VWA3A: variants seen among roughly 807,000 people sequenced by gnomAD.
The protein encoded by VWA3A is von Willebrand factor A domain-containing protein 3A.
VWA3A carries 134 observed loss-of-function variants against 160.4 expected under a neutral mutation model. The ratio of observed to expected loss-of-function variants is 0.84; its 90% CI spans 0.73 to 0.96. The LOEUF (loss-of-function observed/expected upper bound fraction) is 0.96, where lower values mean the gene tolerates loss of function less well. Among genes scored for constraint, VWA3A ranks in the 40% least tolerant of loss-of-function variants. The probability of loss-of-function intolerance (pLI) is 0.00; values close to 1 mark genes in which losing one functional copy is unlikely to be tolerated. For synonymous variants in VWA3A, 476 were observed against 543.4 expected (o/e 0.88, Z 1.72); for missense variants, 1,310 against 1,447.9 (o/e 0.90, Z 1.55).
chr16:22,150,608 G>T, intron 29 of VWA3A, 87 bp from the exon 30 acceptor site: 1 of 1,454,498 alleles, frequency 6.9e-7, no homozygotes, highest in Non-Finnish European at 9.2e-7. Flanking sequence ...GGCAGAGGCG[G>T]CAGCAGGCAC....
At chr16:22,102,419 T>G (rs1365205063) in intron 5 of VWA3A, among the ~76,000 whole-genome samples, 1 of 152,136 alleles carries the variant, frequency 6.6e-6, no homozygotes, top group East Asian at 1.9e-4. Flanking sequence ...CATGTATCCC[T>G]TATGACTCTA....
chr16:22,128,476 T>G (rs1345611852), intron 17 of VWA3A, among the ~76,000 whole-genome samples: 2 of 152,120 alleles, frequency 1.3e-5, no homozygotes, highest in African/African-American at 4.8e-5. Flanking sequence ...ACTTACACAC[T>G]TGGTGGGAGT....
chr16:22,140,733 C>G (rs1163949841), intron 23 of VWA3A, among the ~76,000 whole-genome samples: 1 of 151,842 alleles, frequency 6.6e-6, no homozygotes, highest in Non-Finnish European at 1.5e-5. Flanking sequence ...GCCTCAGCCT[C>G]CTGAATAGCT....
At position 22,097,456 on chromosome 16, in the gene VWA3A, C is replaced by A. The variant is rs909279424; in HGVS notation, c.102-116C>A. 60 of 1,351,038 alleles carry A rather than the reference C, an allele frequency of 4.4e-5. 1 individual carries two copies. The South Asian group carries it at 6.3e-4, about 14-fold the overall frequency. 83.7% of individuals were successfully genotyped at this position (1,351,038 alleles called of 1,614,324 possible). ...CTGCAGGAATCCTTCTCAGTTACTGCACAGAAAAATGTTTCTAGAATCCTT... is the reference window on the plus strand; with the variant it reads ...CTGCAGGAATCCTTCTCAGTTACTGAACAGAAAAATGTTTCTAGAATCCTT... On this transcript the variant is annotated intron_variant, in intron 2 of 33. Transcript: ENST00000389398.
chr16:22,155,660 T>C lies in VWA3A; in HGVS notation c.3499T>C (p.Phe1167Leu). ...ARSFLWQAQSFRSQLQKKNDA... is the reference protein window; with the variant it reads ...ARSFLWQAQSLRSQLQKKNDA... ...AAGCTTCCTCTGGCAGGCCCAATCC[T>C]TCAGGTATGCCCTTCACGCAGCCTC... The change falls in exon 32 of 34, where the codon TTC becomes CTC. Residue 1167 changes from phenylalanine to leucine, a missense_variant. Transcript: ENST00000389398. The C allele has an allele frequency of 5.0e-6, 8 of 1,613,874 alleles. No individual in the cohort carries two copies. The highest frequency in any genetic ancestry group is 1.3e-5 in the African/African-American group (1 of 75,032).
At chr16:22,100,347 C>A in intron 4 of VWA3A, 29 bp downstream of exon 4, 1 of 1,551,648 alleles carries the variant, frequency 6.4e-7, no homozygotes, top group East Asian at 2.4e-5. Flanking sequence ...CCCGCACCCC[C>A]CACAGCTGCA....
intron 9 of VWA3A, 33 bp downstream of exon 9, chr16:22,115,505 A>G (rs904189972): frequency 1.3e-6 from 2 of 1,576,512 alleles, no homozygotes; most frequent in Admixed American, 1.9e-5. Flanking sequence ...GTGACATACT[A>G]CATGAAAAGG....
Position 22,100,181 on chromosome 16 carries a change from T to G in VWA3A, c.226-13T>G, listed in dbSNP as rs1178478283. 7.8e-6 allele frequency: 12 copies of G among 1,535,382 alleles called. No homozygotes were observed. In the East Asian group the frequency reaches 2.7e-4, roughly 34 times the overall value. On this transcript the variant is annotated splice_polypyrimidine_tract_variant and intron_variant, in intron 3 of 33. Coordinates refer to ENST00000389398, the MANE Select transcript of VWA3A (RefSeq NM_173615.5). ...TTCCACTTCACGGTTTGACTCTGGC[T>G]TTTGTCTTGCAGAGGCTGCAGGGGA...
chr16:22,106,627 T>C lies in VWA3A; in HGVS notation c.484-2855T>C, dbSNP rs117473287. Among the ~76,000 whole-genome samples the C allele has an allele frequency of 8.4e-3, 1,276 of 152,110 alleles. 11 individuals carry two copies. The highest frequency in any genetic ancestry group is 0.013 in the Non-Finnish European group (896 of 68,000). ...GAGTGAGCTATGTGGAGAAAGGAGA[T>C]GAGCTTAGATGAGCAGGTTGAAGTC... On this transcript the variant is annotated intron_variant, in intron 6 of 33. Transcript: ENST00000389398.
At chr16:22,154,662 A>G (rs1178340906) in intron 31 of VWA3A, among the ~76,000 whole-genome samples, 1 of 151,824 alleles carries the variant, frequency 6.6e-6, no homozygotes, top group African/African-American at 2.4e-5. Context: ...TTTTTTTAAA[A>G]AGCATGCCTC....
intron 18 of VWA3A, 40 bp downstream of exon 18, chr16:22,131,319 G>T (rs748120832): frequency 6.2e-7 from 1 of 1,606,904 alleles, no homozygotes; most frequent in South Asian, 1.1e-5. Flanking sequence ...TGTGTCTGAG[G>T]GAAGGTTTGC....
intron 20 of VWA3A, among the ~76,000 whole-genome samples, chr16:22,134,149 A>G (rs150492759): frequency 5.4e-4 from 82 of 151,948 alleles, no homozygotes; most frequent in Middle Eastern, 3.4e-3. Context: ...ATTTTTTTTT[A>G]TAGAGAAGGG....
rs2045525672 is a variant in VWA3A, at chr16:22,109,571, G to C, written c.573G>C (p.Lys191Asn). The change falls in exon 7 of 34, where the codon AAG becomes AAC. Residue 191 changes from lysine (K) to asparagine (N), a missense_variant. By Grantham distance (94) the Lys-to-Asn change is moderately conservative (BLOSUM62 0). Coordinates refer to ENST00000389398, the MANE Select transcript of VWA3A (RefSeq NM_173615.5). ...SSGPQKEEFQ[K>N]DLMSLIDEQL... ...GCCCTCAGAAAGAAGAGTTCCAAAA[G>C]GACCTCATGGTAAGTCTGTCTGGCA... 6.2e-7 allele frequency: 1 copy of C among 1,613,318 alleles called. No homozygotes were observed. Among genetic ancestry groups the C allele is most frequent in the Non-Finnish European group, 8.5e-7 (1 of 1,179,796 alleles).
At chr16:22,107,901 G>A (rs1235409531) in intron 6 of VWA3A, among the ~76,000 whole-genome samples, 1 of 152,140 alleles carries the variant, frequency 6.6e-6, no homozygotes, top group Admixed American at 6.5e-5. Context: ...TCTAGGAAAG[G>A]AAATTAAGAA....
At chr16:22,153,037 G>T (rs2046377027) in intron 31 of VWA3A, among the ~76,000 whole-genome samples, 1 of 152,092 alleles carries the variant, frequency 6.6e-6, no homozygotes, top group Non-Finnish European at 1.5e-5. Context: ...GAACGAGAGG[G>T]CCAGCAAGGT....
intron 13 of VWA3A, 84 bp from the exon 14 acceptor site, chr16:22,121,430 C>A (rs2045732042): frequency 1.7e-6 from 2 of 1,155,146 alleles, no homozygotes; most frequent in Non-Finnish European, 2.6e-6. Context: ...GGTGACAGAG[C>A]AAAACCCTGT....
At chr16:22,133,856 G>A (rs1270047803) in intron 20 of VWA3A, among the ~76,000 whole-genome samples, 2 of 152,066 alleles carry the variant, frequency 1.3e-5, no homozygotes, top group Admixed American at 6.6e-5. Flanking sequence ...AATTTAGAAT[G>A]TCATAGAATG....
At chr16:22,104,517 A>C (rs1192073240) in intron 6 of VWA3A, among the ~76,000 whole-genome samples, 1 of 151,862 alleles carries the variant, frequency 6.6e-6, no homozygotes, top group Non-Finnish European at 1.5e-5. Context: ...GAAAACCCAC[A>C]AAAGTTTGAT....
chr16:22,150,289 T>C (rs970860559), intron 29 of VWA3A, among the ~76,000 whole-genome samples: 5 of 152,042 alleles, frequency 3.3e-5, no homozygotes, highest in African/African-American at 1.2e-4. Flanking sequence ...TAATCCCAAC[T>C]ACTTGGGAGG....
Sources: allele counts gnomAD v4.1 joint callset (sites outside exome capture counted in the v4.1 genomes callset), GRCh38; gene constraint gnomAD v4.1.1; transcripts MANE v1.5; gene names NCBI Gene and HGNC (gene_info 2026-07-23, HGNC 2026-07-21).